SEPTIN8: variants seen among roughly 807,000 people sequenced by gnomAD.
SEPTIN8 encodes septin-8.
A neutral mutation model predicts 53.1 loss-of-function variants in SEPTIN8; 22 were observed. That is an observed-to-expected ratio of 0.41 (90% confidence interval 0.30 to 0.59). SEPTIN8 has a LOEUF of 0.59. Ranked by LOEUF, SEPTIN8 falls within the 20% of genes least tolerant of loss-of-function variation. The pLI is 0.24. For synonymous variants in SEPTIN8, 228 were observed against 248.4 expected (o/e 0.92, Z 0.77); for missense variants, 536 against 638.7 (o/e 0.84, Z 1.73).
At chr5:132,757,453 CAGAA>C in intron 9 of SEPTIN8, 1 of 985,412 alleles carries the variant, frequency 1.0e-6, no homozygotes, top group Middle Eastern at 5.2e-4. Flanking sequence ...GCAAGCCAGA[CAGAA>C]AGGGGGAAAT....
At chr5:132,766,623 C>G (rs1226179301) in intron 1 of SEPTIN8, among the ~76,000 whole-genome samples, 1 of 152,154 alleles carries the variant, frequency 6.6e-6, no homozygotes, top group African/African-American at 2.4e-5. Context: ...CCTGAGACAG[C>G]TAGAAAGAGG....
rs1755913442 is a variant in SEPTIN8, at chr5:132,761,271, G to A, written c.963-6C>T. 2.5e-6 allele frequency: 4 copies of A among 1,613,100 alleles called. No homozygotes were observed. The highest frequency in any genetic ancestry group is 3.4e-6 in the Non-Finnish European group (4 of 1,180,012). On this transcript the variant is annotated splice_polypyrimidine_tract_variant and splice_region_variant and intron_variant, in intron 7 of 9. Transcript: ENST00000378719. The surrounding 1 kb of genome is among the most constrained non-coding windows in gnomAD (Gnocchi z 5.8). ...CCTCGTATGTCTCTTGTAGGCTGTG[G>A]AGACCCAGAGAAAAGAGGCCAAGGA... is the stretch of plus-strand genomic sequence containing the variant.
At position 132,777,022 on chromosome 5, in the gene SEPTIN8, C is replaced by A; in HGVS notation, c.30+86G>T. 1.1e-6 allele frequency: 1 copy of A among 888,154 alleles called. No homozygotes were observed. The highest frequency in any genetic ancestry group is 1.4e-6 in the Non-Finnish European group (1 of 702,160). The allele number at this position is 888,154 out of a possible 1,614,324, so 55.0% of individuals were successfully genotyped here. A position where few individuals can be genotyped will look rare whatever the true frequency, so the allele number is the denominator to read the frequency against. ...GGCCCGGCCGTGAGGCGCTGACAGC[C>A]CGCTTCGCGCCCCCCGCCAGCTGCA... On this transcript the variant is annotated intron_variant, in intron 1 of 9. Transcript: ENST00000378719. This position sits in a 1 kb window ranked among gnomAD's most constrained non-coding sequence, Gnocchi z 4.1.
upstream of SEPTIN8, among the ~76,000 whole-genome samples, chr5:132,779,038 C>A (rs1252821606): frequency 6.6e-6 from 1 of 152,178 alleles, no homozygotes; most frequent in Non-Finnish European, 1.5e-5. Context: ...TTCTTACAGT[C>A]CTGGCCAGTG....
rs1561746131 is a variant in SEPTIN8, at chr5:132,760,800, A to G, written c.1286+2T>C. On this transcript the variant is annotated splice_donor_variant, in intron 9 of 9. Transcript: ENST00000378719. LOFTEE classifies it high-confidence loss of function. This position sits in a 1 kb window ranked among gnomAD's most constrained non-coding sequence, Gnocchi z 5.2. ...CCAGCGCAGGCGCAGCCTGCCACCT[A>G]CTTCTTCTTGTCCTTGTCCTTCCTC... 6.2e-7 allele frequency: 1 copy of G among 1,613,076 alleles called. No individual in the cohort carries two copies.
chr5:132,778,399 CT>C (rs1397151306), upstream of SEPTIN8, among the ~76,000 whole-genome samples: 1 of 152,206 alleles, frequency 6.6e-6, no homozygotes, highest in African/African-American at 2.4e-5. Context: ...GAGGAGCCCC[CT>C]CTCTGCTGTT....
chr5:132,774,329 G>T, intron 1 of SEPTIN8: 1 of 160,190 alleles, frequency 6.2e-6, no homozygotes. Context: ...AGCCCTAAAG[G>T]GTTGCTCACC....
intron 9 of SEPTIN8, 131 bp from the exon 10 acceptor site, chr5:132,752,312 A>G: frequency 8.1e-7 from 1 of 1,228,326 alleles, no homozygotes; most frequent in Non-Finnish European, 1.1e-6. Flanking sequence ...TTCTGGCCAT[A>G]ACCCTGGAAA....
Position 132,758,411 on chromosome 5 carries a change from G to A in SEPTIN8, c.1286+2391C>T, listed in dbSNP as rs73787063. 2.1e-3 allele frequency: 3,200 copies of A among 1,542,888 alleles called. 80 individuals carry two copies. In the African/African-American group the frequency reaches 0.038, roughly 19 times the overall value. Reference sequence around the variant, plus strand: ...TTTTGCAGCATGTATACCAGACCACGCAGCTGCACCTAGGGCACCACGTGA... The same window carrying A: ...TTTTGCAGCATGTATACCAGACCACACAGCTGCACCTAGGGCACCACGTGA... On this transcript the variant is annotated intron_variant, in intron 9 of 9. Transcript: ENST00000378719.
intron 9 of SEPTIN8, among the ~76,000 whole-genome samples, chr5:132,759,571 G>A (rs1282813671): frequency 6.6e-6 from 1 of 152,170 alleles, no homozygotes; most frequent in East Asian, 1.9e-4. Context: ...GTCACTTTGG[G>A]TGCCAGTACC....
rs1754841585 is a variant in SEPTIN8, at chr5:132,751,529, A to G, written c.*487T>C. 3.5e-5 allele frequency: 7 copies of G among 200,894 alleles called. No individual in the cohort carries two copies. The South Asian group carries it at 7.5e-4, about 22-fold the overall frequency. 12.4% of individuals were successfully genotyped at this position (200,894 alleles called of 1,614,324 possible). ...CAAAATTATGCAATGTGGAAATCTCATGGGGTTTTGGTTTGTTATGAAGCA... is the reference window on the plus strand; with the variant it reads ...CAAAATTATGCAATGTGGAAATCTCGTGGGGTTTTGGTTTGTTATGAAGCA... On this transcript the variant is annotated 3_prime_UTR_variant, in exon 10 of 10. Coordinates refer to ENST00000378719, the MANE Select transcript of SEPTIN8 (RefSeq NM_001098811.2).
Position 132,761,988 on chromosome 5 carries a change from G to GC in SEPTIN8, c.697-93dup. ...TGCCCCTGGGTCCTAGGGAGGGGCA[G>GC]CCAGACCTGAACAAAGGCTCCAGGG... On this transcript the variant is annotated intron_variant, in intron 5 of 9. Coordinates refer to ENST00000378719, the MANE Select transcript of SEPTIN8 (RefSeq NM_001098811.2). This position sits in a 1 kb window ranked among gnomAD's most constrained non-coding sequence, Gnocchi z 5.8. The GC allele has an allele frequency of 9.0e-7, 1 of 1,114,874 alleles. No homozygotes were observed. The highest frequency in any genetic ancestry group is 1.3e-6 in the Non-Finnish European group (1 of 783,012). 69.1% of individuals were successfully genotyped at this position (1,114,874 alleles called of 1,614,324 possible).
chr5:132,778,138 C>A, upstream of SEPTIN8: 3 of 932,828 alleles, frequency 3.2e-6, no homozygotes, highest in Non-Finnish European at 2.6e-6. Flanking sequence ...ACAATCTATA[C>A]AAAAGCAGCT....
At chr5:132,765,198 A>T (rs1439106046) in intron 2 of SEPTIN8, among the ~76,000 whole-genome samples, 1 of 152,086 alleles carries the variant, frequency 6.6e-6, no homozygotes, top group Non-Finnish European at 1.5e-5. Flanking sequence ...TGCCCGATCC[A>T]GTTTACTCTT....
intron 1 of SEPTIN8, among the ~76,000 whole-genome samples, chr5:132,770,206 C>G (rs1281993981): frequency 6.9e-6 from 1 of 145,518 alleles, no homozygotes; most frequent in East Asian, 2.0e-4. Flanking sequence ...TTTTTTGAGA[C>G]ACAGTCTGGC....
In SEPTIN8 at chr5:132,760,170, C is replaced by T. The variant is rs761756471; in HGVS notation, c.1286+632G>A. ...TCTCCAGGAGGCCAGTGTTGGCTGG[C>T]GCGAGTGCCCGCAGTTCTCCATCAC... On this transcript the variant is annotated intron_variant, in intron 9 of 9. Coordinates refer to ENST00000378719, the MANE Select transcript of SEPTIN8 (RefSeq NM_001098811.2). The surrounding 1 kb of genome is among the most constrained non-coding windows in gnomAD (Gnocchi z 5.2). Among the ~76,000 whole-genome samples, 1 of 152,098 alleles carries T rather than the reference C, an allele frequency of 6.6e-6. No homozygotes were observed. Among genetic ancestry groups the T allele is most frequent in the Non-Finnish European group, 1.5e-5 (1 of 68,028 alleles).
At chr5:132,778,090 G>T (rs1319852029), upstream of SEPTIN8, 6 of 985,396 alleles carry the variant, frequency 6.1e-6, no homozygotes, top group Non-Finnish European at 7.2e-6. Flanking sequence ...CTTACGCCAG[G>T]GTCGGAGGCC....
intron 9 of SEPTIN8, chr5:132,753,612 C>G (rs1312541605): frequency 6.6e-6 from 1 of 152,502 alleles, no homozygotes; most frequent in Non-Finnish European, 1.5e-5. Context: ...GCATATCTTT[C>G]CTTTGTTACT....
At chr5:132,778,058 C>CA (rs1422567894), upstream of SEPTIN8, 2 of 985,576 alleles carry the variant, frequency 2.0e-6, no homozygotes, top group East Asian at 1.1e-4. Context: ...TGTCACTGCT[C>CA]AAAACGTTCA....
Sources: gnomAD v4.1 joint callset for allele counts (sites outside exome capture counted in the v4.1 genomes callset) on GRCh38, gnomAD v4.1.1 for gene constraint, Gnocchi (gnomAD v3.1) non-coding constraint, MANE v1.5 for transcripts, NCBI Gene and HGNC (gene_info 2026-07-23, HGNC 2026-07-21) for gene names.